The following DOK6 variants were observed in gnomAD, a reference collection of about 807,000 sequenced individuals.
The protein encoded by DOK6 is downstream of tyrosine kinase 6.
DOK6 carries 22 observed loss-of-function variants against 44.0 expected under a neutral mutation model. The ratio of observed to expected loss-of-function variants is 0.50; its 90% CI spans 0.36 to 0.71. The LOEUF (loss-of-function observed/expected upper bound fraction) is 0.71, where lower values mean the gene tolerates loss of function less well. DOK6 is among the 30% of genes least tolerant of loss of function. DOK6 has a pLI of 0.00. For synonymous variants in DOK6, 166 were observed against 145.5 expected (o/e 1.14, Z -1.01); for missense variants, 340 against 416.4 (o/e 0.82, Z 1.60).
intron 1 of DOK6, among the ~76,000 whole-genome samples, chr18:69,529,976 T>C (rs954520574): frequency 2.0e-5 from 3 of 152,190 alleles, no homozygotes; most frequent in African/African-American, 7.2e-5. Flanking sequence ...TTCTGGCAAG[T>C]CCATTAACCA....
At chr18:69,551,505 A>G (rs1165208280) in intron 1 of DOK6, among the ~76,000 whole-genome samples, 4 of 152,218 alleles carry the variant, frequency 2.6e-5, no homozygotes, top group Non-Finnish European at 5.9e-5. Flanking sequence ...GGTAATATTT[A>G]TACTGTCTAT....
intron 3 of DOK6, among the ~76,000 whole-genome samples, chr18:69,607,238 G>A (rs969272471): frequency 2.6e-5 from 4 of 152,286 alleles, no homozygotes; most frequent in African/African-American, 4.8e-5. Flanking sequence ...CCTGGTAGTC[G>A]CACTTGATCT....
intron 3 of DOK6, among the ~76,000 whole-genome samples, chr18:69,629,991 C>A (rs919326864): frequency 6.6e-6 from 1 of 152,118 alleles, no homozygotes; most frequent in East Asian, 1.9e-4. Flanking sequence ...ATGTCGAACT[C>A]CTGGCCTCGG....
intron 2 of DOK6, among the ~76,000 whole-genome samples, chr18:69,571,310 GA>G (rs1478562805): frequency 6.6e-5 from 10 of 151,682 alleles, no homozygotes; most frequent in African/African-American, 2.4e-4. Flanking sequence ...AAGAAAATAA[GA>G]AAGGAGAAAA....
intron 5 of DOK6, among the ~76,000 whole-genome samples, chr18:69,703,052 G>A (rs1400458367): frequency 6.7e-6 from 1 of 149,748 alleles, no homozygotes; most frequent in African/African-American, 2.5e-5. Context: ...CTCCGAGGGG[G>A]AAAAAAAAAA....
chr18:69,787,144 A>G (rs1271734814), intron 7 of DOK6, among the ~76,000 whole-genome samples: 1 of 152,178 alleles, frequency 6.6e-6, no homozygotes, highest in Non-Finnish European at 1.5e-5. Context: ...TGAACCTGGG[A>G]GGCAGAGGTT....
chr18:69,511,907 T>G (rs1223089859), intron 1 of DOK6, among the ~76,000 whole-genome samples: 1 of 152,134 alleles, frequency 6.6e-6, no homozygotes, highest in Non-Finnish European at 1.5e-5. Context: ...GACTGTTAGG[T>G]AAGCATGAGA....
chr18:69,655,903 A>G (rs1332306399), intron 3 of DOK6, among the ~76,000 whole-genome samples: 2 of 152,094 alleles, frequency 1.3e-5, no homozygotes, highest in African/African-American at 4.8e-5. Flanking sequence ...CATACATCCA[A>G]CATATGTCTG....
chr18:69,612,449 GTGTGCGAGCGTGCATA>G lies in DOK6; in HGVS notation c.289+12955_289+12970del, dbSNP rs149088137. Among the ~76,000 whole-genome samples, 1,376 of 149,380 alleles carry G rather than the reference GTGTGCGAGCGTGCATA, an allele frequency of 9.2e-3. 26 individuals are homozygous for G. Among genetic ancestry groups the G allele is most frequent in the East Asian group, 0.012 (62 of 5,082 alleles). The stretch of plus-strand genomic sequence containing the variant: ...AGGGCGCATGTGTGCGAGGGCGCAT[GTGTGCGAGCGTGCATA>G]TGTATTTCTTGCTCTTTTCTAACAT... On this transcript the variant is annotated intron_variant, in intron 3 of 7. Coordinates refer to ENST00000382713, the MANE Select transcript of DOK6 (RefSeq NM_152721.6).
chr18:69,404,555 A>G (rs1916162606), intron 1 of DOK6, among the ~76,000 whole-genome samples: 1 of 152,170 alleles, frequency 6.6e-6, no homozygotes, highest in African/African-American at 2.4e-5. Context: ...CATTGTCATC[A>G]ATATCACTGT....
chr18:69,643,277 A>C (rs1010716982), intron 3 of DOK6, among the ~76,000 whole-genome samples: 1 of 152,066 alleles, frequency 6.6e-6, no homozygotes, highest in African/African-American at 2.4e-5. Flanking sequence ...AGATTTTCCT[A>C]GTTTTGCTTT....
intron 7 of DOK6, among the ~76,000 whole-genome samples, chr18:69,775,164 C>T (rs1261879198): frequency 6.6e-6 from 1 of 151,868 alleles, no homozygotes; most frequent in Non-Finnish European, 1.5e-5. Flanking sequence ...AACTCTATCA[C>T]CAACTGAAAT....
chr18:69,841,963 CGT>C lies in DOK6; in HGVS notation c.*597_*598del, dbSNP rs4020105. 91 of 150,196 alleles carry C rather than the reference CGT, an allele frequency of 6.1e-4. No homozygotes were observed. The highest frequency in any genetic ancestry group is 1.3e-3 in the African/African-American group (52 of 40,706). 9.3% of individuals were successfully genotyped at this position (150,196 alleles called of 1,614,324 possible). A position where few individuals can be genotyped will look rare whatever the true frequency, so the allele number is the denominator to read the frequency against. ...GTAGCTCTACTCGTGTGTGTGTGTG[CGT>C]GTGTGTGTGTGTGTGTAGACAAATG... On this transcript the variant is annotated 3_prime_UTR_variant, in exon 8 of 8. Coordinates refer to ENST00000382713, the MANE Select transcript of DOK6 (RefSeq NM_152721.6).
At chr18:69,562,920 C>T (rs868777428) in intron 1 of DOK6, among the ~76,000 whole-genome samples, 6 of 152,140 alleles carry the variant, frequency 3.9e-5, no homozygotes, top group African/African-American at 1.4e-4. Context: ...GGGCTAATAT[C>T]CAGAATCTAC....
chr18:69,498,336 A>C (rs1980952212), intron 1 of DOK6, among the ~76,000 whole-genome samples: 1 of 152,302 alleles, frequency 6.6e-6, no homozygotes, highest in South Asian at 2.1e-4. Context: ...CTTCTTTGAA[A>C]CCACAAAGGT....
chr18:69,666,424 T>G (rs962934423), intron 3 of DOK6, among the ~76,000 whole-genome samples: 12 of 151,246 alleles, frequency 7.9e-5, no homozygotes, highest in African/African-American at 3.0e-4. Flanking sequence ...ACTTCTATTC[T>G]TTATTTCTTT....
intron 1 of DOK6, chr18:69,532,611 A>G (rs1428383928): frequency 6.6e-6 from 1 of 152,266 alleles, no homozygotes; most frequent in Non-Finnish European, 1.5e-5. Flanking sequence ...CTGTAATCCC[A>G]GCATTTTGGG....
intron 7 of DOK6, among the ~76,000 whole-genome samples, chr18:69,814,415 G>A (rs1338404314): frequency 6.6e-6 from 1 of 152,150 alleles, no homozygotes; most frequent in African/African-American, 2.4e-5. Context: ...CCATCTGGAG[G>A]TGATGGGAGA....
At chr18:69,428,441 C>G (rs1978704662) in intron 1 of DOK6, among the ~76,000 whole-genome samples, 1 of 151,860 alleles carries the variant, frequency 6.6e-6, no homozygotes, top group Non-Finnish European at 1.5e-5. Context: ...TACAATTGCC[C>G]TTTCAAGAAA....
Sources: allele counts gnomAD v4.1 joint callset (sites outside exome capture counted in the v4.1 genomes callset), GRCh38; gene constraint gnomAD v4.1.1; transcripts MANE v1.5; gene names NCBI Gene and HGNC (gene_info 2026-07-23, HGNC 2026-07-21).